KIF1B: variants seen among roughly 807,000 people sequenced by gnomAD.
The protein encoded by KIF1B is kinesin-like protein KIF1B.
Under a neutral mutation model 241.9 loss-of-function variants are expected in KIF1B, and 76 were observed. The observed-to-expected ratio is 0.31, with a 90% CI of 0.26 to 0.38. The LOEUF is 0.38. Ranked by LOEUF, KIF1B falls within the 10% of genes least tolerant of loss-of-function variation. The pLI is 1.00. For missense variants in KIF1B, 1,622 were observed against 2,271.4 expected (o/e 0.71, Z 5.81); for synonymous variants, 750 against 796.7 (o/e 0.94, Z 0.99).
intron 15 of KIF1B, 81 bp from the exon 16 acceptor site, chr1:10,291,001 T>C (rs1649969565): frequency 9.3e-7 from 1 of 1,079,174 alleles, no homozygotes; most frequent in South Asian, 1.3e-5. Flanking sequence ...TCAAAGGGCA[T>C]GATTTGCTTC....
At chr1:10,232,810 A>G (rs555975117) in intron 2 of KIF1B, among the ~76,000 whole-genome samples, 1 of 152,254 alleles carries the variant, frequency 6.6e-6, no homozygotes, top group Admixed American at 6.6e-5. Flanking sequence ...ATAATACTTG[A>G]TTTTGCCAAG....
chr1:10,254,683 T>C (rs1181230148), intron 2 of KIF1B, among the ~76,000 whole-genome samples: 2 of 151,874 alleles, frequency 1.3e-5, no homozygotes, highest in African/African-American at 2.4e-5. Context: ...AAGACCATCC[T>C]GGCTAACACG....
chr1:10,295,686 G>T lies in KIF1B; in HGVS notation c.1697G>T (p.Arg566Leu), dbSNP rs751881065. Reference protein sequence around the residue: ...TRVGQADAERRQDIVLSGAHI... With the variant: ...TRVGQADAERLQDIVLSGAHI... Reference sequence around the variant, plus strand: ...GTTGGCCAAGCAGATGCTGAGCGGCGCCAGGACATAGTGCTGAGCGGGGCT... The same window carrying T: ...GTTGGCCAAGCAGATGCTGAGCGGCTCCAGGACATAGTGCTGAGCGGGGCT... Residue 566 changes from arginine (R) to leucine (L), a missense_variant, in exon 19 of 49, where the codon CGC (arginine) becomes CTC (leucine). By Grantham distance (102) the Arg-to-Leu change is moderately radical (BLOSUM62 -2). Transcript: ENST00000676179. 1.9e-6 allele frequency: 3 copies of T among 1,613,732 alleles called. No individual in the cohort carries two copies. Among genetic ancestry groups the T allele is most frequent in the Non-Finnish European group, 2.5e-6 (3 of 1,179,884 alleles).
intron 26 of KIF1B, among the ~76,000 whole-genome samples, chr1:10,325,467 A>C (rs1651691993): frequency 6.6e-6 from 1 of 152,186 alleles, no homozygotes; most frequent in Non-Finnish European, 1.5e-5. Context: ...GGGAAATTTA[A>C]CTTTGAGCTT....
intron 14 of KIF1B, among the ~76,000 whole-genome samples, chr1:10,280,592 A>G (rs1025041531): frequency 6.6e-6 from 1 of 152,164 alleles, no homozygotes; most frequent in African/African-American, 2.4e-5. Flanking sequence ...ACAGTGAGAA[A>G]ATGCATAGGA....
At chr1:10,316,752 T>C (rs1167645795) in intron 22 of KIF1B, among the ~76,000 whole-genome samples, 1 of 151,714 alleles carries the variant, frequency 6.6e-6, no homozygotes, top group Non-Finnish European at 1.5e-5. Context: ...TTTGCCTGCC[T>C]CAGCCTCCCA....
intron 43 of KIF1B, among the ~76,000 whole-genome samples, chr1:10,367,948 C>G (rs1480654649): frequency 2.0e-5 from 3 of 151,792 alleles, no homozygotes; most frequent in Non-Finnish European, 4.4e-5. Context: ...AGGATGATCT[C>G]GATCTCCTGA....
chr1:10,321,953 G>A (rs1169473710), intron 24 of KIF1B, 96 bp downstream of exon 24: 2 of 1,356,040 alleles, frequency 1.5e-6, no homozygotes, highest in Non-Finnish European at 2.1e-6. Flanking sequence ...TCCTTTGGGG[G>A]AACTCAGCTG....
chr1:10,252,085 G>A (rs1440684474), intron 2 of KIF1B, among the ~76,000 whole-genome samples: 2 of 151,972 alleles, frequency 1.3e-5, no homozygotes, highest in Non-Finnish European at 2.9e-5. Flanking sequence ...TGTTGCCCAG[G>A]CTGGAGTGCA....
At chr1:10,287,653 A>G (rs182795994) in intron 15 of KIF1B, among the ~76,000 whole-genome samples, 2 of 152,318 alleles carry the variant, frequency 1.3e-5, no homozygotes, top group East Asian at 3.9e-4. Context: ...CAAAGAGATC[A>G]TGTTCTGATT....
chr1:10,254,360 G>A lies in KIF1B; in HGVS notation c.107-1887G>A, dbSNP rs547404857. On this transcript the variant is annotated intron_variant, in intron 2 of 48. Coordinates refer to ENST00000676179, the MANE Select transcript of KIF1B (RefSeq NM_001365951.3). Reference sequence around the variant, plus strand: ...AACATTATCACAGAGTATTTACTGAGCATCTACTTTATACCAGGGTCTTTT... The same window carrying A: ...AACATTATCACAGAGTATTTACTGAACATCTACTTTATACCAGGGTCTTTT... Among the ~76,000 whole-genome samples the A allele has an allele frequency of 9.2e-5, 14 of 152,218 alleles. No homozygotes were observed. In the South Asian group the frequency reaches 2.9e-3, roughly 32 times the overall value.
At chr1:10,216,587 C>T (rs1159075475) in intron 1 of KIF1B, among the ~76,000 whole-genome samples, 1 of 152,126 alleles carries the variant, frequency 6.6e-6, no homozygotes, top group Non-Finnish European at 1.5e-5. Flanking sequence ...GGATTAGTGC[C>T]ACAATTAATG....
At chr1:10,285,077 C>T (rs1021884475) in intron 15 of KIF1B, among the ~76,000 whole-genome samples, 3 of 152,166 alleles carry the variant, frequency 2.0e-5, no homozygotes, top group Non-Finnish European at 4.4e-5. Context: ...AGACTCCATT[C>T]ACACATTTTC....
chr1:10,348,580 C>T (rs1652672190), intron 36 of KIF1B, 69 bp from the exon 37 acceptor site: 8 of 1,205,594 alleles, frequency 6.6e-6, no homozygotes, highest in Non-Finnish European at 9.8e-6. Flanking sequence ...CCATACAGGC[C>T]AGAAAACAGT....
rs374304246 is a variant in KIF1B, at chr1:10,256,335, C to G, written c.183+12C>G. The G allele has an allele frequency of 9.6e-6, 15 of 1,562,840 alleles. No homozygotes were observed. In the African/African-American group the frequency reaches 2.0e-4, roughly 21 times the overall value. On this transcript the variant is annotated intron_variant, in intron 3 of 48. Transcript: ENST00000676179. The stretch of plus-strand genomic sequence containing the variant: ...GGTCTCATACCTCAGTGAGTACCCT[C>G]ATGCCACAGCACTGCCAGCTCCTGC...
intron 38 of KIF1B, chr1:10,355,502 C>T (rs1382335408): frequency 6.6e-6 from 1 of 152,532 alleles, no homozygotes; most frequent in East Asian, 1.9e-4. Context: ...CCCATGTAAA[C>T]CTACTGTACC....
intron 3 of KIF1B, among the ~76,000 whole-genome samples, chr1:10,258,083 T>C (rs1243263319): frequency 6.6e-6 from 1 of 152,222 alleles, no homozygotes; most frequent in Non-Finnish European, 1.5e-5. Context: ...TATTGAGAAA[T>C]AGTCCCAGTA....
In KIF1B at chr1:10,365,551, C is replaced by T; in HGVS notation, c.4655C>T (p.Thr1552Ile). The T allele has an allele frequency of 6.2e-7, 1 of 1,614,154 alleles. No homozygotes were observed. The highest frequency in any genetic ancestry group is 1.7e-5 in the Admixed American group (1 of 60,004). The change falls in exon 43 of 49, where the codon ACT (threonine) becomes ATT (isoleucine). Residue 1552 changes from threonine to isoleucine, a missense_variant. By Grantham distance (89) the Thr-to-Ile change is moderately conservative (BLOSUM62 -1). Coordinates refer to ENST00000676179, the MANE Select transcript of KIF1B (RefSeq NM_001365951.3). This position sits in a 1 kb window ranked among gnomAD's most constrained non-coding sequence, Gnocchi z 4.0. ...STSISSQIST[T>I]TFESAITPSE... is the part of the protein sequence containing the mutation. ...AGTATCTCCTCTCAGATCTCAACCA[C>T]TACCTTTGAAAGCGCCATCACACCT...
intron 2 of KIF1B, among the ~76,000 whole-genome samples, chr1:10,255,235 C>G (rs113865294): frequency 0.035 from 5,355 of 152,238 alleles, 111 homozygotes; most frequent in Middle Eastern, 0.13. Flanking sequence ...AAGTGGGAGC[C>G]ACCGCGCCCA....
Sources: allele counts gnomAD v4.1 joint callset (sites outside exome capture counted in the v4.1 genomes callset), GRCh38; gene constraint gnomAD v4.1.1; non-coding constraint Gnocchi (gnomAD v3.1); transcripts MANE v1.5; gene names NCBI Gene and HGNC (gene_info 2026-07-23, HGNC 2026-07-21).